PITPNM3: variants seen among roughly 807,000 people sequenced by gnomAD.
PITPNM3 encodes the protein PITPNM family member 3.
In PITPNM3, 26 loss-of-function variants were observed where a neutral mutation model predicts 102.0. The ratio of observed to expected loss-of-function variants is 0.25; its 90% confidence interval spans 0.19 to 0.35. The LOEUF is 0.35. Ranked by LOEUF, PITPNM3 falls within the 10% of genes least tolerant of loss-of-function variation. PITPNM3 has a pLI of 1.00. For synonymous variants in PITPNM3, 578 were observed against 558.6 expected, an observed-to-expected ratio of 1.03 and a Z score of -0.49; for missense variants, 1,083 against 1,346.1, an observed-to-expected ratio of 0.80 and a Z score of 3.06.
rs978934267 is a variant in PITPNM3 at position 6,470,116 on chromosome 17, G to C, written c.1773+144C>G. On this transcript the variant is annotated intron_variant, in intron 13 of 19. Transcript: ENST00000262483. The surrounding 1 kb of genome is among the most constrained non-coding windows in gnomAD (Gnocchi z 4.8). ...GGTCATGTCACTCCCCACTCACGTAGGTGCTCCAATGCCTTCCTCATGCTC... is the reference window on the plus strand; with the variant it reads ...GGTCATGTCACTCCCCACTCACGTACGTGCTCCAATGCCTTCCTCATGCTC... 2.7e-5 allele frequency: 26 copies of C among 947,794 alleles called. No homozygotes were observed. Among genetic ancestry groups the C allele is most frequent in the Admixed American group, 1.0e-4 (5 of 49,430 alleles). 58.7% of individuals were successfully genotyped at this position (947,794 alleles called of 1,614,324 possible).
intron 3 of PITPNM3, among the ~76,000 whole-genome samples, chr17:6,506,457 C>T (rs543710918): frequency 6.9e-4 from 104 of 151,734 alleles, no homozygotes; most frequent in African/African-American, 2.2e-3. Context: ...CTGTAACCTC[C>T]GCCTCCCAGG....
chr17:6,471,243 T>A lies in PITPNM3; in HGVS notation c.1542A>T (p.Pro514=). Residue 514 remains proline, a synonymous_variant, in exon 12 of 20, where the codon CCA becomes CCT. Transcript: ENST00000262483. ...SPPQASRFQR[P]GRRMSEGSSH... ...AGCTCCCCTCGCTCATCCTCCGTCC[T>A]GGGCGCTGGAACCTCGAGGCCTGAG... 1.9e-6 allele frequency: 3 copies of A among 1,613,430 alleles called. No individual in the cohort carries two copies. The South Asian group carries it at 3.3e-5, about 18-fold the overall frequency.
At chr17:6,529,409 A>G (rs1229819393) in intron 2 of PITPNM3, among the ~76,000 whole-genome samples, 1 of 152,060 alleles carries the variant, frequency 6.6e-6, no homozygotes, top group Non-Finnish European at 1.5e-5. Context: ...CCTGACCAAC[A>G]TGGTGAAACA....
In PITPNM3 at chr17:6,483,833, GC is replaced by G; in HGVS notation, c.352-82del. On this transcript the variant is annotated intron_variant, in intron 5 of 19. Transcript: ENST00000262483. The stretch of plus-strand genomic sequence containing the variant: ...CACACAGGGACACACACACACATGT[GC>G]GCATACACACACACTCACACACACG... 5 of 1,194,108 alleles carry G rather than the reference GC, an allele frequency of 4.2e-6. No individual in the cohort carries two copies. In the South Asian group the frequency reaches 6.1e-5, roughly 15 times the overall value. 74.0% of individuals were successfully genotyped at this position (1,194,108 alleles called of 1,614,324 possible).
chr17:6,468,571 C>A lies in PITPNM3; in HGVS notation c.1774-230G>T, dbSNP rs1252808598. Reference sequence around the variant, plus strand: ...GCTCCCTTCCTGAGAGAAGTCTCTGCCCCGCTGTGCCCAAACCTGGCAGCC... The same window carrying A: ...GCTCCCTTCCTGAGAGAAGTCTCTGACCCGCTGTGCCCAAACCTGGCAGCC... On this transcript the variant is annotated intron_variant, in intron 13 of 19. Coordinates refer to ENST00000262483, the MANE Select transcript of PITPNM3 (RefSeq NM_031220.4). The surrounding 1 kb of genome is among the most constrained non-coding windows in gnomAD (Gnocchi z 5.2). 6.6e-6 allele frequency among the ~76,000 whole-genome samples: 1 copy of A among 152,134 alleles called. No individual in the cohort carries two copies. The highest frequency in any genetic ancestry group is 2.1e-4 in the South Asian group (1 of 4,830).
chr17:6,518,771 A>G (rs1908324373), intron 3 of PITPNM3, among the ~76,000 whole-genome samples: 1 of 152,236 alleles, frequency 6.6e-6, no homozygotes. Context: ...GGGATGGGGA[A>G]AAACACAAAT....
chr17:6,521,918 A>C (rs1049331272), intron 3 of PITPNM3, among the ~76,000 whole-genome samples: 3 of 152,190 alleles, frequency 2.0e-5, no homozygotes, highest in Non-Finnish European at 4.4e-5. Context: ...GGGCCATTCC[A>C]TCCTTACAGG....
intron 3 of PITPNM3, chr17:6,521,468 A>AGTG (rs1908513221): frequency 6.6e-6 from 1 of 152,184 alleles, no homozygotes; most frequent in Admixed American, 6.5e-5. Context: ...TTTTACCACA[A>AGTG]TAAGAAATGT....
At chr17:6,553,365 C>A (rs532273112) in intron 1 of PITPNM3, among the ~76,000 whole-genome samples, 1 of 152,218 alleles carries the variant, frequency 6.6e-6, no homozygotes, top group Admixed American at 6.5e-5. Context: ...GAAGATCTAT[C>A]TCATCCTCTC....
In PITPNM3 at chr17:6,484,268, C is replaced by T; in HGVS notation, c.299G>A (p.Arg100Lys). The part of the protein sequence containing the change: ...KQRELYRVSL[R>K]RQRFPAQGSI... ...TCCCTGGGCTGGGAACCTCTGTCTT[C>T]TCAAGGAAACCCGGTACAGTTCTCC... The change falls in exon 5 of 20, where the codon AGA becomes AAA. Residue 100 changes from arginine to lysine, a missense_variant. This residue lies in a region of PITPNM3 where 290 missense variants were observed against 337.8 expected (regional missense o/e 0.86). Coordinates refer to ENST00000262483, the MANE Select transcript of PITPNM3 (RefSeq NM_031220.4). The T allele has an allele frequency of 6.2e-7, 1 of 1,610,670 alleles. No homozygotes were observed. The highest frequency in any genetic ancestry group is 2.2e-5 in the East Asian group (1 of 44,862).
rs1005848236 is a variant in PITPNM3 at position 6,552,318 on chromosome 17, C to T, written c.22+4067G>A. On this transcript the variant is annotated intron_variant, in intron 1 of 19. Coordinates refer to ENST00000262483, the MANE Select transcript of PITPNM3 (RefSeq NM_031220.4). ...TAACCTGGGGACCTGGCCCCCACCCCCTACCCTCATTCTCTCAGTGGGAGA... is the reference window on the plus strand; with the variant it reads ...TAACCTGGGGACCTGGCCCCCACCCTCTACCCTCATTCTCTCAGTGGGAGA... Among the ~76,000 whole-genome samples, 8 of 152,166 alleles carry T rather than the reference C, an allele frequency of 5.3e-5. 1 individual carries two copies. The highest frequency in any genetic ancestry group is 7.4e-5 in the Non-Finnish European group (5 of 68,020).
chr17:6,497,322 C>T (rs533075860), intron 4 of PITPNM3, among the ~76,000 whole-genome samples: 1 of 152,188 alleles, frequency 6.6e-6, no homozygotes, highest in Non-Finnish European at 1.5e-5. Context: ...GGTCACTGAC[C>T]CTAGGCAGTG....
At chr17:6,554,075 T>A (rs144267540) in intron 1 of PITPNM3, among the ~76,000 whole-genome samples, 1 of 151,758 alleles carries the variant, frequency 6.6e-6, no homozygotes, top group Non-Finnish European at 1.5e-5. Flanking sequence ...TCCCATCACT[T>A]TGGGAGGCTG....
chr17:6,519,663 C>G (rs1175989618), intron 3 of PITPNM3, among the ~76,000 whole-genome samples: 2 of 151,722 alleles, frequency 1.3e-5, no homozygotes, highest in Non-Finnish European at 2.9e-5. Flanking sequence ...AACCCCATCT[C>G]TACTAAAAAT....
chr17:6,541,643 C>G (rs1425907672), intron 1 of PITPNM3, among the ~76,000 whole-genome samples: 1 of 152,022 alleles, frequency 6.6e-6, no homozygotes, highest in Non-Finnish European at 1.5e-5. Context: ...CAGAAAGTCT[C>G]CTGGGGGAGG....
chr17:6,452,252 AG>A lies in PITPNM3; in HGVS notation c.*3085del, dbSNP rs1913881067. 1 of 152,188 alleles carries A rather than the reference AG, an allele frequency of 6.6e-6. No homozygotes were observed. The highest frequency in any genetic ancestry group is 2.4e-5 in the African/African-American group (1 of 41,438). The allele number at this position is 152,188 out of a possible 1,614,324, so 9.4% of individuals were successfully genotyped here. ...GCCCAAGGGAGCCGTTGAGATCTTT[AG>A]GAAAAAACCCATGATGCTGGAAGAG... On this transcript the variant is annotated 3_prime_UTR_variant, in exon 20 of 20. Transcript: ENST00000262483.
At chr17:6,550,190 T>G (rs1910234330) in intron 1 of PITPNM3, among the ~76,000 whole-genome samples, 1 of 152,164 alleles carries the variant, frequency 6.6e-6, no homozygotes, top group Admixed American at 6.5e-5. Context: ...ACAAGTTAGC[T>G]CCCAGGAATA....
chr17:6,524,499 CA>C (rs1288449504), intron 3 of PITPNM3, among the ~76,000 whole-genome samples: 1 of 152,136 alleles, frequency 6.6e-6, no homozygotes, highest in African/African-American at 2.4e-5. Flanking sequence ...CTCAGTTTCC[CA>C]TATGTGAGCT....
At position 6,468,093 on chromosome 17, in the gene PITPNM3, A is replaced by G; in HGVS notation, c.1890+132T>C. The stretch of plus-strand genomic sequence containing the variant: ...TGGGCTCCATCTGAGTGTGAGCCCC[A>G]GCCTGTTTGGGTGCTGAGCTCTGAG... On this transcript the variant is annotated intron_variant, in intron 14 of 19. Coordinates refer to ENST00000262483, the MANE Select transcript of PITPNM3 (RefSeq NM_031220.4). This position sits in a 1 kb window ranked among gnomAD's most constrained non-coding sequence, Gnocchi z 5.2. The G allele has an allele frequency of 1.1e-6, 1 of 872,156 alleles. No homozygotes were observed. Among genetic ancestry groups the G allele is most frequent in the Non-Finnish European group, 1.9e-6 (1 of 530,542 alleles). The allele number at this position is 872,156 out of a possible 1,614,324, so 54.0% of individuals were successfully genotyped here.
Sources: allele counts gnomAD v4.1 joint callset (sites outside exome capture counted in the v4.1 genomes callset), GRCh38; gene constraint gnomAD v4.1.1; regional missense constraint gnomAD v4.1.1; non-coding constraint Gnocchi (gnomAD v3.1); transcripts MANE v1.5; gene names NCBI Gene and HGNC (gene_info 2026-07-23, HGNC 2026-07-21).